LRRC61: variants seen among roughly 807,000 people sequenced by gnomAD.
The protein encoded by LRRC61 is leucine rich repeat containing 61, also known as leucine-rich repeat-containing protein 61.
A neutral mutation model predicts 15.1 loss-of-function variants in LRRC61; 9 were observed. That is an observed-to-expected ratio of 0.60 (90% CI 0.36 to 1.04). LRRC61 has a LOEUF of 1.04. Among genes scored for constraint, LRRC61 ranks in the 50% least tolerant of loss-of-function variants. The pLI is 0.01. For missense variants in LRRC61, 344 were observed against 335.6 expected, an observed-to-expected ratio of 1.03 and a Z score of -0.20; for synonymous variants, 173 against 158.6, an observed-to-expected ratio of 1.09 and a Z score of -0.68.
the LRRC61 span, among the ~76,000 whole-genome samples, chr7:150,314,300 C>T: frequency 6.6e-6 from 1 of 152,194 alleles, no homozygotes; most frequent in Non-Finnish European, 1.5e-5. Context: ...TTTAGCCCTG[C>T]CAAGGATTCT....
At chr7:150,312,560 A>C in the LRRC61 span, among the ~76,000 whole-genome samples, 39,948 of 152,052 alleles carry the variant, frequency 0.26, 5,472 homozygotes, top group East Asian at 0.43. Context: ...TTTTTAGAGA[A>C]CTTATTTTAT....
chr7:150,333,590 G>A lies in LRRC61; in HGVS notation c.-144-3128G>A, dbSNP rs139674400. Among the ~76,000 whole-genome samples the A allele has an allele frequency of 1.8e-4, 28 of 152,338 alleles. No individual in the cohort carries two copies. The highest frequency in any genetic ancestry group is 1.1e-3 in the Admixed American group (17 of 15,312). On this transcript the variant is annotated intron_variant, in intron 2 of 2. Transcript: ENST00000359623. The surrounding 1 kb of genome is among the most constrained non-coding windows in gnomAD (Gnocchi z 4.3). ...TCCCAGGCAGAAGACACTCACCAAC[G>A]CCTGGGACCATCTTCCCTGGTTCTC...
chr7:150,334,052 CT>C (rs1798202118), intron 2 of LRRC61: 2 of 985,272 alleles, frequency 2.0e-6, no homozygotes, highest in Non-Finnish European at 2.4e-6. Context: ...CCGGTGGGGT[CT>C]TTCTGCTCCG....
the LRRC61 span, among the ~76,000 whole-genome samples, chr7:150,314,709 G>C: frequency 6.6e-6 from 1 of 150,620 alleles, no homozygotes; most frequent in Non-Finnish European, 1.5e-5. Flanking sequence ...TGGGAAGGCT[G>C]AGGTGGGTGG....
intron 1 of LRRC61, among the ~76,000 whole-genome samples, chr7:150,324,629 A>G (rs1338062307): frequency 2.0e-5 from 3 of 152,022 alleles, no homozygotes; most frequent in Admixed American, 6.5e-5. Flanking sequence ...TACCAGACCC[A>G]TCCTACTTTC....
the LRRC61 span, among the ~76,000 whole-genome samples, chr7:150,316,480 GTTATTT>G: frequency 1.1e-4 from 15 of 131,736 alleles, no homozygotes; most frequent in African/African-American, 3.8e-4. Flanking sequence ...TTAGAATCTG[GTTATTT>G]TTTTTTTTTT....
chr7:150,337,174 G>A lies in LRRC61; in HGVS notation c.313G>A (p.Ala105Thr), dbSNP rs754843189. 8.7e-6 allele frequency: 14 copies of A among 1,609,070 alleles called. No homozygotes were observed. Among genetic ancestry groups the A allele is most frequent in the Middle Eastern group, 1.6e-4 (1 of 6,084 alleles). ...TGAGAACTTGCAGAGTCTCAATGCCGCAGGCAACCTACTGGCCACCCCGGG... is the reference window on the plus strand; with the variant it reads ...TGAGAACTTGCAGAGTCTCAATGCCACAGGCAACCTACTGGCCACCCCGGG... The part of the protein sequence containing the change: ...TCENLQSLNA[A>T]GNLLATPGQL... Residue 105 changes from alanine to threonine, a missense_variant, in exon 3 of 3, where the codon GCA becomes ACA. Ala to Thr is a moderately conservative substitution (Grantham distance 58). Coordinates refer to ENST00000359623, the MANE Select transcript of LRRC61 (RefSeq NM_001142928.2).
At chr7:150,319,268 C>T (rs528571282), upstream of LRRC61, among the ~76,000 whole-genome samples, 6 of 150,890 alleles carry the variant, frequency 4.0e-5, no homozygotes, top group African/African-American at 4.9e-5. Context: ...AGTCCAATGG[C>T]GTGAGCTTGG....
rs1463545031 is a variant in LRRC61 at position 150,337,371 on chromosome 7, T to G, written c.510T>G (p.Ser170Arg). 6.2e-7 allele frequency: 1 copy of G among 1,605,286 alleles called. No individual in the cohort carries two copies. Among genetic ancestry groups the G allele is most frequent in the Non-Finnish European group, 8.5e-7 (1 of 1,179,924 alleles). The change falls in exon 3 of 3, where the codon AGT becomes AGG. Residue 170 changes from serine to arginine, a missense_variant. Ser to Arg is a moderately radical substitution (Grantham distance 110). Coordinates refer to ENST00000359623, the MANE Select transcript of LRRC61 (RefSeq NM_001142928.2). The part of the protein sequence containing the change: ...IDGERVIGRG[S>R]EFYQLCRDLD... ...GTGAGCGTGTGATTGGGCGTGGTAG[T>G]GAGTTCTACCAGCTGTGCCGAGACC...
the LRRC61 span, among the ~76,000 whole-genome samples, chr7:150,315,129 T>C: frequency 6.8e-6 from 1 of 147,550 alleles, no homozygotes; most frequent in African/African-American, 2.5e-5. Context: ...ATATTATGTA[T>C]AATAAATAAT....
At chr7:150,321,675 G>A (rs574707820), upstream of LRRC61, among the ~76,000 whole-genome samples, 1 of 152,288 alleles carries the variant, frequency 6.6e-6, no homozygotes, top group South Asian at 2.1e-4. Flanking sequence ...AGGAGGTGGA[G>A]GTTGCAGTGA....
upstream of LRRC61, among the ~76,000 whole-genome samples, chr7:150,321,351 T>C (rs1206103932): frequency 3.3e-5 from 5 of 152,228 alleles, no homozygotes; most frequent in Non-Finnish European, 5.9e-5. Flanking sequence ...CATTTCCTAC[T>C]GTAACATGCT....
intron 2 of LRRC61, among the ~76,000 whole-genome samples, chr7:150,327,789 C>T (rs1411991720): frequency 6.9e-6 from 1 of 143,968 alleles, no homozygotes; most frequent in Non-Finnish European, 1.5e-5. Flanking sequence ...CACTCCACTA[C>T]AGTCTGGGCG....
At chr7:150,316,597 T>C in the LRRC61 span, among the ~76,000 whole-genome samples, 4 of 151,042 alleles carry the variant, frequency 2.6e-5, no homozygotes, top group African/African-American at 9.7e-5. Context: ...GCGATTCTCC[T>C]GCCTCAGCCT....
At chr7:150,315,907 G>A in the LRRC61 span, among the ~76,000 whole-genome samples, 2 of 151,504 alleles carry the variant, frequency 1.3e-5, no homozygotes, top group Admixed American at 6.6e-5. Context: ...ATTTAAAAAC[G>A]AATGCATAGG....
intron 2 of LRRC61, among the ~76,000 whole-genome samples, chr7:150,327,305 A>T (rs1436128054): frequency 1.3e-5 from 2 of 152,160 alleles, no homozygotes; most frequent in Non-Finnish European, 2.9e-5. Flanking sequence ...TCAGCCATCC[A>T]ATAGATGCAC....
At chr7:150,331,623 C>T (rs1798111663) in intron 2 of LRRC61, 1 of 168,654 alleles carries the variant, frequency 5.9e-6, no homozygotes, top group Middle Eastern at 3.1e-3. Flanking sequence ...ATGTGATGCT[C>T]TGTTAAAACA....
intron 2 of LRRC61, among the ~76,000 whole-genome samples, chr7:150,329,062 G>A (rs933102850): frequency 1.3e-5 from 2 of 152,202 alleles, no homozygotes; most frequent in Admixed American, 6.5e-5. Flanking sequence ...CTAGTCTCCC[G>A]TGAAACATTT....
rs915280698 is a variant in LRRC61, at chr7:150,337,739, C to G, written c.*98C>G. The G allele has an allele frequency of 1.3e-5, 16 of 1,275,528 alleles. No homozygotes were observed. The highest frequency in any genetic ancestry group is 1.7e-5 in the Non-Finnish European group (16 of 936,316). 79.0% of individuals were successfully genotyped at this position (1,275,528 alleles called of 1,614,324 possible). A position where few individuals can be genotyped will look rare whatever the true frequency, so the allele number is the denominator to read the frequency against. ...CGTCTTAGTTGCTTCACACTGGTCA[C>G]TGGCCCTGCACACTGGGCTATTGCT... On this transcript the variant is annotated 3_prime_UTR_variant, in exon 3 of 3. Coordinates refer to ENST00000359623, the MANE Select transcript of LRRC61 (RefSeq NM_001142928.2).
Sources: allele counts gnomAD v4.1 joint callset (sites outside exome capture counted in the v4.1 genomes callset), GRCh38; gene constraint gnomAD v4.1.1; non-coding constraint Gnocchi (gnomAD v3.1); transcripts MANE v1.5; gene names NCBI Gene and HGNC (gene_info 2026-07-23, HGNC 2026-07-21).